RTF2: variants seen among roughly 807,000 people sequenced by gnomAD.
RTF2 encodes the protein UPF0549 protein C20orf43.
RTF2 carries 18 observed loss-of-function variants against 38.0 expected under a neutral mutation model. The observed-to-expected ratio is 0.47, with a 90% CI of 0.33 to 0.70. The LOEUF is 0.70. Among genes scored for constraint, RTF2 ranks in the 30% least tolerant of loss-of-function variants. The pLI, the probability that RTF2 is intolerant of heterozygous loss-of-function variation, is 0.02. For missense variants in RTF2, 311 were observed against 379.6 expected, an observed-to-expected ratio of 0.82 and a Z score of 1.50; for synonymous variants, 126 against 137.1, an observed-to-expected ratio of 0.92 and a Z score of 0.57.
At chr20:56,496,752 C>T in intron 5 of RTF2, 2 of 1,552,120 alleles carry the variant, frequency 1.3e-6, no homozygotes. Flanking sequence ...TACAAACTTC[C>T]TTGTAAGTAC....
intron 6 of RTF2, chr20:56,516,653 T>G (rs921111543): frequency 2.0e-6 from 1 of 498,440 alleles, no homozygotes; most frequent in Non-Finnish European, 3.5e-6. Flanking sequence ...TCAGCCTCAT[T>G]TAAATTTTTG....
chr20:56,477,310 C>A (rs1460189418), intron 4 of RTF2, among the ~76,000 whole-genome samples, 186 bp downstream of exon 4: 1 of 152,176 alleles, frequency 6.6e-6, no homozygotes, highest in Non-Finnish European at 1.5e-5. Flanking sequence ...TGCTACGGGA[C>A]TTCCAGCGAG....
intron 5 of RTF2, among the ~76,000 whole-genome samples, chr20:56,512,639 TCA>T (rs1984750320): frequency 6.6e-6 from 1 of 152,160 alleles, no homozygotes; most frequent in Non-Finnish European, 1.5e-5. Context: ...AAGGCTGCCG[TCA>T]TGCTTGGGGG....
At chr20:56,508,995 T>C (rs1984461340) in intron 5 of RTF2, among the ~76,000 whole-genome samples, 1 of 152,180 alleles carries the variant, frequency 6.6e-6, no homozygotes, top group South Asian at 2.1e-4. Flanking sequence ...AACGTAGCAG[T>C]AAGAGAGAAA....
intron 5 of RTF2, among the ~76,000 whole-genome samples, chr20:56,499,077 C>G (rs1218181670): frequency 6.6e-6 from 1 of 152,180 alleles, no homozygotes; most frequent in African/African-American, 2.4e-5. Flanking sequence ...ATAGCAGCCA[C>G]TGCCGAGGTA....
chr20:56,468,818 A>G, intron 1 of RTF2, 52 bp downstream of exon 1: 1 of 1,447,180 alleles, frequency 6.9e-7, no homozygotes, highest in Non-Finnish European at 9.5e-7. Context: ...GAATTTGACG[A>G]CCCCAGAAAA....
chr20:56,510,142 A>G (rs1457158311), intron 5 of RTF2, among the ~76,000 whole-genome samples: 4 of 152,218 alleles, frequency 2.6e-5, no homozygotes, highest in Middle Eastern at 3.2e-3. Flanking sequence ...GTTGGAAGTG[A>G]TAAAAATATG....
chr20:56,491,774 A>G (rs564270198), intron 5 of RTF2: 1 of 1,550,858 alleles, frequency 6.4e-7, no homozygotes, highest in Admixed American at 2.0e-5. Flanking sequence ...GATGTCTTCG[A>G]CGTAGCGGCC....
At chr20:56,517,769 C>T (rs1012971347) in intron 8 of RTF2, among the ~76,000 whole-genome samples, 2 of 152,180 alleles carry the variant, frequency 1.3e-5, no homozygotes, top group Admixed American at 6.5e-5. Flanking sequence ...GCTCCCATCC[C>T]GGCTCTACAT....
At chr20:56,510,942 G>C (rs906878448) in intron 5 of RTF2, among the ~76,000 whole-genome samples, 1 of 152,128 alleles carries the variant, frequency 6.6e-6, no homozygotes, top group African/African-American at 2.4e-5. Context: ...GACTGAGTGA[G>C]ACCCTGTCTC....
chr20:56,483,412 A>G (rs964819773), intron 4 of RTF2, among the ~76,000 whole-genome samples: 2 of 151,514 alleles, frequency 1.3e-5, no homozygotes, highest in Admixed American at 6.6e-5. Flanking sequence ...CAGTGGCGCT[A>G]TCATAGCTCA....
intron 4 of RTF2, among the ~76,000 whole-genome samples, chr20:56,479,553 G>A (rs1458054257): frequency 6.6e-6 from 1 of 152,192 alleles, no homozygotes; most frequent in African/African-American, 2.4e-5. Flanking sequence ...ATGACATCTA[G>A]AATGGTGAAT....
At chr20:56,501,022 T>A (rs764799970) in intron 5 of RTF2, among the ~76,000 whole-genome samples, 5 of 152,180 alleles carry the variant, frequency 3.3e-5, no homozygotes, top group Admixed American at 6.5e-5. Flanking sequence ...ATTATATATG[T>A]TTATGGATCA....
Position 56,518,169 on chromosome 20 carries a change from G to A in RTF2, c.825G>A (p.Ser275=), listed in dbSNP as rs766223099. The change falls in exon 9 of 9, where the codon TCG becomes TCA. Residue 275 remains serine (S), a synonymous_variant. Coordinates refer to ENST00000357348, the MANE Select transcript of RTF2 (RefSeq NM_016407.5). ...GGTCCATCGCTGACAGTGAAGAATCGGAGGCCTACAAGTCCCTCTTTACCA... is the reference window on the plus strand; with the variant it reads ...GGTCCATCGCTGACAGTGAAGAATCAGAGGCCTACAAGTCCCTCTTTACCA... ...TKRSIADSEE[S]EAYKSLFTTH... 3.0e-5 allele frequency: 49 copies of A among 1,614,112 alleles called. No homozygotes were observed. Among genetic ancestry groups the A allele is most frequent in the East Asian group, 4.5e-5 (2 of 44,878 alleles).
chr20:56,500,453 T>C (rs1419750673), intron 5 of RTF2, among the ~76,000 whole-genome samples: 1 of 152,214 alleles, frequency 6.6e-6, no homozygotes, highest in Non-Finnish European at 1.5e-5. Flanking sequence ...CCATGTAAAT[T>C]TGGCTGTGCG....
chr20:56,515,575 C>CAGAGAG (rs58977063), intron 6 of RTF2: 176 of 130,392 alleles, frequency 1.3e-3, no homozygotes, highest in African/African-American at 4.9e-3. Flanking sequence ...CTGTCTCAGA[C>CAGAGAG]AGAGAGAGAG....
chr20:56,473,129 T>A (rs1372535058), intron 1 of RTF2, among the ~76,000 whole-genome samples, 172 bp from the exon 2 acceptor site: 1 of 152,118 alleles, frequency 6.6e-6, no homozygotes, highest in Non-Finnish European at 1.5e-5. Flanking sequence ...AGACCCCGTC[T>A]CAAAAACAAA....
intron 5 of RTF2, among the ~76,000 whole-genome samples, chr20:56,509,949 A>G (rs976941710): frequency 5.3e-5 from 8 of 152,122 alleles, no homozygotes; most frequent in Non-Finnish European, 8.8e-5. Context: ...ATACTATAAC[A>G]TGGATAAATC....
intron 5 of RTF2, chr20:56,495,313 A>C: frequency 6.5e-7 from 1 of 1,539,176 alleles, no homozygotes; most frequent in Non-Finnish European, 8.8e-7. Flanking sequence ...AGGAAAACAA[A>C]ACCAGCATTC....
Sources: gnomAD v4.1 joint callset for allele counts (sites outside exome capture counted in the v4.1 genomes callset) on GRCh38, gnomAD v4.1.1 for gene constraint, MANE v1.5 for transcripts, NCBI Gene and HGNC (gene_info 2026-07-23, HGNC 2026-07-21) for gene names.